ADPRHL1: variants seen among roughly 807,000 people sequenced by gnomAD.
The protein encoded by ADPRHL1 is ADP-ribosylhydrolase like 1.
ADPRHL1 carries 43 observed loss-of-function variants against 44.1 expected under a neutral mutation model. The observed-to-expected ratio is 0.98, with a 90% CI of 0.76 to 1.26. The LOEUF is 1.26. Among genes scored for constraint, ADPRHL1 ranks in the 50% most tolerant of loss-of-function variants. The pLI is 0.00. For missense variants in ADPRHL1, 2,022 were observed against 2,496.9 expected (o/e 0.81, Z 4.05); for synonymous variants, 878 against 1,017.4 (o/e 0.86, Z 2.61).
intron 3 of ADPRHL1, among the ~76,000 whole-genome samples, chr13:113,432,258 G>A (rs1287532914): frequency 2.0e-5 from 3 of 152,050 alleles, no homozygotes; most frequent in African/African-American, 7.2e-5. Context: ...GGAAACACAG[G>A]TGCGTGCCGT....
rs185006137 is a variant in ADPRHL1, at chr13:113,438,640, G to A, written c.380-4773C>T. Among the ~76,000 whole-genome samples the A allele has an allele frequency of 6.2e-4, 95 of 152,278 alleles. 1 individual carries two copies. In the East Asian group the frequency reaches 0.014, roughly 23 times the overall value. Reference sequence around the variant, plus strand: ...ACCCAGGAGGTAGAGGTTGCAGTGAGCCGAGATTGTGCCACTGGGTGACAG... The same window carrying A: ...ACCCAGGAGGTAGAGGTTGCAGTGAACCGAGATTGTGCCACTGGGTGACAG... On this transcript the variant is annotated intron_variant, in intron 2 of 7. Transcript: ENST00000612156.
rs1411751571 is a variant in ADPRHL1 at position 113,405,003 on chromosome 13, C to G, written c.4279G>C (p.Gly1427Arg). 1 of 1,234,218 alleles carries G rather than the reference C, an allele frequency of 8.1e-7. No individual in the cohort carries two copies. The highest frequency in any genetic ancestry group is 1.0e-6 in the Non-Finnish European group (1 of 989,714). 76.5% of individuals were successfully genotyped at this position (1,234,218 alleles called of 1,614,324 possible). The change falls in exon 8 of 8, where the codon GGG becomes CGG. Residue 1427 changes from glycine (G) to arginine (R), a missense_variant. Around this residue, in one of 8 missense-constraint regions of ADPRHL1, gnomAD observed 1,221 missense variants for 1,517.8 expected, o/e 0.80. Transcript: ENST00000612156. ...GCGCCCCCAACCCCAATGGCCATCC[C>G]TTTGTCCCCGGCCAGATCCTGTGCC... ...WWAQDLAGDK[G>R]MAIGVGGACQ...
intron 7 of ADPRHL1, among the ~76,000 whole-genome samples, chr13:113,411,814 C>G (rs1270181934): frequency 6.6e-6 from 1 of 152,218 alleles, no homozygotes; most frequent in Non-Finnish European, 1.5e-5. Flanking sequence ...TCCACAGCCC[C>G]CTTCACAGAG....
chr13:113,420,684 C>T (rs1407229883), intron 7 of ADPRHL1, among the ~76,000 whole-genome samples: 1 of 152,030 alleles, frequency 6.6e-6, no homozygotes, highest in East Asian at 1.9e-4. Flanking sequence ...GCACCAGTAG[C>T]AGCACAGTTA....
At chr13:113,421,318 C>CT (rs1159567766) in intron 7 of ADPRHL1, among the ~76,000 whole-genome samples, 217 of 111,868 alleles carry the variant, frequency 1.9e-3, no homozygotes, top group Middle Eastern at 4.7e-3. Context: ...GACACGCCCA[C>CT]CCCGGGACAC....
At chr13:113,448,760 G>A (rs11618667) in intron 1 of ADPRHL1, among the ~76,000 whole-genome samples, 50,344 of 152,036 alleles carry the variant, frequency 0.33, 10,199 homozygotes, top group African/African-American at 0.56. Flanking sequence ...ATGTGCCTTC[G>A]GCCACACGGG....
chr13:113,404,532 C>T lies in ADPRHL1; in HGVS notation c.4750G>A (p.Ala1584Thr). Residue 1584 changes from alanine to threonine, a missense_variant, in exon 8 of 8, where the codon GCC becomes ACC. Physicochemically the swap from Ala to Thr is moderately conservative, Grantham distance 58. Around this residue, in one of 8 missense-constraint regions of ADPRHL1, gnomAD observed 78 missense variants for 76.5 expected, o/e 1.02. Coordinates refer to ENST00000612156, the MANE Select transcript of ADPRHL1 (RefSeq NM_001394807.1). ...GGAQGQVQGQ[A>T]QKWAQGQIQG... ...ATCTGCCCCTGAGCCCATTTCTGGG[C>T]CTGTCCCTGAACCTGTCCCTGGGCC... 2 of 1,298,000 alleles carry T rather than the reference C, an allele frequency of 1.5e-6. No homozygotes were observed. The highest frequency in any genetic ancestry group is 1.9e-6 in the Non-Finnish European group (2 of 1,027,872). The allele number at this position is 1,298,000 out of a possible 1,614,324, so 80.4% of individuals were successfully genotyped here. A position where few individuals can be genotyped will look rare whatever the true frequency, so the allele number is the denominator to read the frequency against.
chr13:113,421,738 T>A (rs1265895313), intron 7 of ADPRHL1, among the ~76,000 whole-genome samples: 1 of 152,096 alleles, frequency 6.6e-6, no homozygotes, highest in East Asian at 1.9e-4. Context: ...TTTCAAATCA[T>A]CCCATAGAAG....
chr13:113,407,362 G>A lies in ADPRHL1; in HGVS notation c.1920C>T (p.Ile640=). The change falls in exon 8 of 8, where the codon ATC becomes ATT. Residue 640 remains isoleucine, a synonymous_variant. Coordinates refer to ENST00000612156, the MANE Select transcript of ADPRHL1 (RefSeq NM_001394807.1). ...PRSWLSHCTK[I]SHSEARRPPR... ...GTGGACGCCTTGCCTCCGAGTGGCT[G>A]ATTTTGGTGCAGTGGGACAGCCAGC... The A allele has an allele frequency of 5.7e-6, 7 of 1,232,052 alleles. No homozygotes were observed. Among genetic ancestry groups the A allele is most frequent in the Non-Finnish European group, 7.1e-6 (7 of 988,062 alleles). The allele number at this position is 1,232,052 out of a possible 1,614,324, so 76.3% of individuals were successfully genotyped here.
At position 113,403,161 on chromosome 13, in the gene ADPRHL1, C is replaced by T. The variant is rs1480167986; in HGVS notation, c.*217G>A. On this transcript the variant is annotated 3_prime_UTR_variant, in exon 8 of 8. Coordinates refer to ENST00000612156, the MANE Select transcript of ADPRHL1 (RefSeq NM_001394807.1). The stretch of plus-strand genomic sequence containing the variant: ...TGAGGCCACAGGCCCGCACCTCCCA[C>T]CCCCATGGCCTCGTGGCTCTGTGGG... The T allele has an allele frequency of 2.8e-5, 11 of 388,102 alleles. No homozygotes were observed. Among genetic ancestry groups the T allele is most frequent in the Non-Finnish European group, 4.9e-5 (11 of 224,186 alleles). The allele number at this position is 388,102 out of a possible 1,614,324, so 24.0% of individuals were successfully genotyped here. A position where few individuals can be genotyped will look rare whatever the true frequency, so the allele number is the denominator to read the frequency against.
chr13:113,416,434 C>G (rs1262746292), intron 7 of ADPRHL1, among the ~76,000 whole-genome samples: 1 of 152,098 alleles, frequency 6.6e-6, no homozygotes. Context: ...AATGGGGACA[C>G]TGTCCATCCC....
intron 3 of ADPRHL1, 37 bp from the exon 4 acceptor site, chr13:113,429,129 TGGGCCGCTTGGGAGGGCCTG>T (rs1198690288): frequency 1.3e-6 from 2 of 1,583,776 alleles, no homozygotes; most frequent in East Asian, 2.3e-5. Flanking sequence ...CACCATCACC[TGGGCCGCTTGGGAGGGCCTG>T]GGGCCGCCCG....
chr13:113,440,478 T>C (rs2044089253), intron 2 of ADPRHL1, among the ~76,000 whole-genome samples: 1 of 151,180 alleles, frequency 6.6e-6, no homozygotes, highest in African/African-American at 2.4e-5. Context: ...TTTTTTGAGA[T>C]GGAGTCTCAC....
In ADPRHL1 at chr13:113,441,313, T is replaced by C. The variant is rs1246520198; in HGVS notation, c.379+3112A>G. 1.3e-5 allele frequency among the ~76,000 whole-genome samples: 2 copies of C among 152,210 alleles called. No individual in the cohort carries two copies. Among genetic ancestry groups the C allele is most frequent in the African/African-American group, 2.4e-5 (1 of 41,454 alleles). On this transcript the variant is annotated intron_variant, in intron 2 of 7. Coordinates refer to ENST00000612156, the MANE Select transcript of ADPRHL1 (RefSeq NM_001394807.1). This position sits in a 1 kb window ranked among gnomAD's most constrained non-coding sequence, Gnocchi z 6.0. ...TTTGTTTTCTACCTGTACTGTCTAGTATTTGTCCCTCCTTCCCCCTTTTCT... is the reference window on the plus strand; with the variant it reads ...TTTGTTTTCTACCTGTACTGTCTAGCATTTGTCCCTCCTTCCCCCTTTTCT...
At position 113,447,377 on chromosome 13, in the gene ADPRHL1, T is replaced by C. The variant is rs575965904; in HGVS notation, c.215-2788A>G. Among the ~76,000 whole-genome samples the C allele has an allele frequency of 3.2e-3, 452 of 139,960 alleles. 3 individuals are homozygous for C. Among genetic ancestry groups the C allele is most frequent in the African/African-American group, 9.4e-3 (353 of 37,696 alleles). The allele number at this position is 139,960 out of a possible 152,430, so 91.8% of individuals were successfully genotyped here. A position where few individuals can be genotyped will look rare whatever the true frequency, so the allele number is the denominator to read the frequency against. On this transcript the variant is annotated intron_variant, in intron 1 of 7. Coordinates refer to ENST00000612156, the MANE Select transcript of ADPRHL1 (RefSeq NM_001394807.1). ...GTGTTGTGTGTGTATGGCGTCTACA[T>C]GCAAGGTGTTGTGTGTGCATGGCGT...
In ADPRHL1 at chr13:113,400,868, CCGGAG is replaced by C. The variant is rs904742163; in HGVS notation, c.*2505_*2509del. 5.2e-4 allele frequency: 79 copies of C among 152,332 alleles called. No homozygotes were observed. The highest frequency in any genetic ancestry group is 1.8e-3 in the African/African-American group (76 of 41,568). The allele number at this position is 152,332 out of a possible 1,614,324, so 9.4% of individuals were successfully genotyped here. A position where few individuals can be genotyped will look rare whatever the true frequency, so the allele number is the denominator to read the frequency against. On this transcript the variant is annotated 3_prime_UTR_variant, in exon 8 of 8. Transcript: ENST00000612156. Reference sequence around the variant, plus strand: ...TGAGAGGGGTTCAGGCACGACACTTCCGGAGCTGTCATCTGGAGGAGATTCTCATC... The same window carrying C: ...TGAGAGGGGTTCAGGCACGACACTTCCTGTCATCTGGAGGAGATTCTCATC...
intron 7 of ADPRHL1, among the ~76,000 whole-genome samples, chr13:113,408,678 T>C (rs1460657586): frequency 3.9e-5 from 6 of 152,170 alleles, no homozygotes; most frequent in African/African-American, 1.4e-4. Flanking sequence ...ATTAACAGCA[T>C]ATTTAAATTC....
At chr13:113,436,352 G>C (rs1461973210) in intron 2 of ADPRHL1, among the ~76,000 whole-genome samples, 1 of 124,834 alleles carries the variant, frequency 8.0e-6, no homozygotes, top group East Asian at 2.4e-4. Flanking sequence ...GGTGTACCCC[G>C]GGACCCAGCA....
At chr13:113,410,386 C>A (rs1247317156) in intron 7 of ADPRHL1, among the ~76,000 whole-genome samples, 5 of 152,112 alleles carry the variant, frequency 3.3e-5, no homozygotes, top group Non-Finnish European at 5.9e-5. Flanking sequence ...TTAACGAGTC[C>A]CTGGTGATTC....
Sources: allele counts gnomAD v4.1 joint callset (sites outside exome capture counted in the v4.1 genomes callset), GRCh38; gene constraint gnomAD v4.1.1; regional missense constraint gnomAD v4.1.1; non-coding constraint Gnocchi (gnomAD v3.1); transcripts MANE v1.5; gene names NCBI Gene and HGNC (gene_info 2026-07-23, HGNC 2026-07-21).